SYT10: variants seen among roughly 807,000 people sequenced by gnomAD.
SYT10 encodes the protein synaptotagmin-10.
SYT10 carries 31 observed loss-of-function variants against 51.1 expected under a neutral mutation model. The ratio of observed to expected loss-of-function variants is 0.61; its 90% CI spans 0.46 to 0.82. The LOEUF is 0.82. Among genes scored for constraint, SYT10 ranks in the 40% least tolerant of loss-of-function variants. The probability of loss-of-function intolerance (pLI) is 0.00; values close to 1 mark genes in which losing one functional copy is unlikely to be tolerated. For synonymous variants in SYT10, 233 were observed against 225.9 expected (o/e 1.03, Z -0.28); for missense variants, 603 against 634.0 (o/e 0.95, Z 0.53).
At chr12:33,390,597 AGG>A (rs1370781902) in intron 3 of SYT10, among the ~76,000 whole-genome samples, 1 of 152,116 alleles carries the variant, frequency 6.6e-6, no homozygotes, top group Non-Finnish European at 1.5e-5. Context: ...ATAATTTGCA[AGG>A]TAGATAGCAA....
chr12:33,387,037 T>C (rs545073650), intron 3 of SYT10, among the ~76,000 whole-genome samples: 5 of 152,302 alleles, frequency 3.3e-5, no homozygotes, highest in South Asian at 2.1e-4. Context: ...AGTGAAGCCA[T>C]GCCTGGTAAG....
At chr12:33,422,085 G>C (rs1866510173) in intron 2 of SYT10, among the ~76,000 whole-genome samples, 1 of 145,664 alleles carries the variant, frequency 6.9e-6, no homozygotes, top group Non-Finnish European at 1.5e-5. Context: ...AAAACTTAAA[G>C]TATTAAAAAA....
chr12:33,393,813 A>T (rs1262614246), intron 3 of SYT10, among the ~76,000 whole-genome samples: 1 of 152,114 alleles, frequency 6.6e-6, no homozygotes, highest in Non-Finnish European at 1.5e-5. Context: ...CCCCCACTCC[A>T]CTACAACTGC....
chr12:33,382,269 G>A, intron 5 of SYT10, 80 bp downstream of exon 5: 3 of 1,244,418 alleles, frequency 2.4e-6, no homozygotes, highest in Non-Finnish European at 2.1e-6. Flanking sequence ...TGTTGTGGCA[G>A]TAAATGACCT....
At chr12:33,380,058 T>G in intron 5 of SYT10, 97 bp from the exon 6 acceptor site, 2 of 1,347,484 alleles carry the variant, frequency 1.5e-6, no homozygotes, top group East Asian at 2.4e-5. Flanking sequence ...GATTAAAACA[T>G]TAGATTCTGT....
chr12:33,430,869 TATACTATTCATCTG>T (rs1192519443), intron 1 of SYT10, among the ~76,000 whole-genome samples: 6 of 152,154 alleles, frequency 3.9e-5, no homozygotes, highest in Admixed American at 3.9e-4. Flanking sequence ...TTAATTTATT[TATACTATTCATCTG>T]ATATTACCAT....
chr12:33,411,101 T>A (rs1489990105), intron 2 of SYT10, among the ~76,000 whole-genome samples: 1 of 152,212 alleles, frequency 6.6e-6, no homozygotes, highest in South Asian at 2.1e-4. Context: ...AATTAAAATT[T>A]CACTGAGGCA....
intron 6 of SYT10, among the ~76,000 whole-genome samples, chr12:33,378,344 T>C (rs1240938316): frequency 2.0e-5 from 3 of 152,218 alleles, no homozygotes; most frequent in Non-Finnish European, 4.4e-5. Context: ...TACTAAGCAC[T>C]AATAAATAAT....
intron 3 of SYT10, among the ~76,000 whole-genome samples, chr12:33,397,009 A>T (rs1300405096): frequency 2.6e-5 from 4 of 152,176 alleles, no homozygotes; most frequent in Admixed American, 6.5e-5. Flanking sequence ...AGCAATGATC[A>T]CGGCTCTTTC....
chr12:33,425,173 T>C (rs1054816724), intron 2 of SYT10, among the ~76,000 whole-genome samples: 6 of 152,164 alleles, frequency 3.9e-5, no homozygotes, highest in Non-Finnish European at 7.4e-5. Flanking sequence ...TTGGAAAACA[T>C]GGATGCGTCT....
At chr12:33,423,790 T>C (rs1159973807) in intron 2 of SYT10, 1 of 368,608 alleles carries the variant, frequency 2.7e-6, no homozygotes, top group East Asian at 7.3e-5. Flanking sequence ...TAATATGTGT[T>C]CATCCATCTG....
intron 3 of SYT10, among the ~76,000 whole-genome samples, chr12:33,403,325 T>C (rs574467184): frequency 1.3e-5 from 2 of 150,982 alleles, no homozygotes; most frequent in Non-Finnish European, 3.0e-5. Context: ...CTCCACCTCC[T>C]AGTTCAAGTG....
chr12:33,390,644 G>A (rs1012115319), intron 3 of SYT10, among the ~76,000 whole-genome samples: 3 of 151,876 alleles, frequency 2.0e-5, no homozygotes, highest in Non-Finnish European at 2.9e-5. Flanking sequence ...ATATATACAT[G>A]TATGTACATA....
intron 2 of SYT10, among the ~76,000 whole-genome samples, chr12:33,424,783 T>C (rs944076696): frequency 2.0e-5 from 3 of 152,036 alleles, no homozygotes; most frequent in Admixed American, 2.0e-4. Context: ...TTAACATGGA[T>C]ATTTATTGAG....
intron 3 of SYT10, among the ~76,000 whole-genome samples, chr12:33,397,433 T>A (rs79947329): frequency 0.026 from 3,997 of 152,160 alleles, 183 homozygotes; most frequent in African/African-American, 0.09. Flanking sequence ...AACTGTACCC[T>A]CAGATGAAGG....
intron 3 of SYT10, among the ~76,000 whole-genome samples, chr12:33,406,247 C>A (rs1866351924): frequency 6.6e-6 from 1 of 152,038 alleles, no homozygotes; most frequent in Admixed American, 6.5e-5. Context: ...ATGATTACTT[C>A]TTGATCACTG....
chr12:33,396,064 T>C (rs1287381225), intron 3 of SYT10, among the ~76,000 whole-genome samples: 8 of 152,192 alleles, frequency 5.3e-5, no homozygotes, highest in Non-Finnish European at 8.8e-5. Flanking sequence ...AGGATTAAAC[T>C]TGGACTCTTT....
chr12:33,400,639 A>C (rs10772076), intron 3 of SYT10, among the ~76,000 whole-genome samples: 108,750 of 151,902 alleles, frequency 0.72, 40,516 homozygotes, highest in East Asian at 0.95. Flanking sequence ...GAAGGTAGTT[A>C]TGTTAAAAAA....
In SYT10 at chr12:33,426,261, G is replaced by A. The variant is rs2138432701; in HGVS notation, c.386C>T (p.Pro129Leu). 6.2e-7 allele frequency: 1 copy of A among 1,614,110 alleles called. No individual in the cohort carries two copies. Among genetic ancestry groups the A allele is most frequent in the South Asian group, 1.1e-5 (1 of 91,078 alleles). The change falls in exon 2 of 7, where the codon CCT (proline) becomes CTT (leucine). Residue 129 changes from proline (P) to leucine (L), a missense_variant. Transcript: ENST00000228567. Reference protein sequence around the residue: ...NEKPAVKAIEPAIKISHTSPD... With the variant: ...NEKPAVKAIELAIKISHTSPD... Reference sequence around the variant, plus strand: ...GGAAGTGTGGCTGATTTTTATTGCAGGCTCAATAGCTTTTACGGCTGGCTT... The same window carrying A: ...GGAAGTGTGGCTGATTTTTATTGCAAGCTCAATAGCTTTTACGGCTGGCTT...
Sources: gnomAD v4.1 joint callset for allele counts (sites outside exome capture counted in the v4.1 genomes callset) on GRCh38, gnomAD v4.1.1 for gene constraint, MANE v1.5 for transcripts, NCBI Gene and HGNC (gene_info 2026-07-23, HGNC 2026-07-21) for gene names.